The following REEP1 variants were observed in gnomAD, a reference collection of about 807,000 sequenced individuals.
REEP1 encodes receptor expression-enhancing protein 1.
Under a neutral mutation model 40.3 loss-of-function variants are expected in REEP1, and 22 were observed. That is an observed-to-expected ratio of 0.55 (90% CI 0.39 to 0.78). The LOEUF (loss-of-function observed/expected upper bound fraction) is 0.78. REEP1 is among the 30% of genes least tolerant of loss of function. REEP1 has a pLI of 0.00. For missense variants in REEP1, 280 were observed against 361.1 expected, an observed-to-expected ratio of 0.78 and a Z score of 1.82; for synonymous variants, 116 against 139.2, an observed-to-expected ratio of 0.83 and a Z score of 1.17.
intron 2 of REEP1, among the ~76,000 whole-genome samples, chr2:86,271,769 A>G (rs1182467763): frequency 1.3e-5 from 2 of 152,234 alleles, no homozygotes; most frequent in Non-Finnish European, 2.9e-5. Flanking sequence ...GGTAAAGTCT[A>G]TAGCCTGCTG....
intron 2 of REEP1, among the ~76,000 whole-genome samples, chr2:86,273,320 T>C (rs1677567725): frequency 6.6e-6 from 1 of 150,544 alleles, no homozygotes. Context: ...GGGTCTCGCT[T>C]GTCATCCAAG....
At chr2:86,221,946 C>A (rs918859) in intron 7 of REEP1, among the ~76,000 whole-genome samples, 106,350 of 152,032 alleles carry the variant, frequency 0.7, 42,433 homozygotes, top group Non-Finnish European at 0.88. Flanking sequence ...CCCCAGCAGC[C>A]AACTCCATGA....
chr2:86,306,006 T>A (rs575507318), intron 1 of REEP1, among the ~76,000 whole-genome samples: 27 of 152,242 alleles, frequency 1.8e-4, no homozygotes, highest in Non-Finnish European at 2.8e-4. Context: ...TGTGGACATA[T>A]GTTTTCATTT....
chr2:86,248,797 A>T (rs550221726), intron 5 of REEP1, among the ~76,000 whole-genome samples: 1 of 152,222 alleles, frequency 6.6e-6, no homozygotes, highest in Non-Finnish European at 1.5e-5. Context: ...TATTATAAGC[A>T]TGCTTTACAT....
chr2:86,229,484 C>A (rs1674892719), intron 6 of REEP1, among the ~76,000 whole-genome samples: 9 of 152,116 alleles, frequency 5.9e-5, no homozygotes, highest in Admixed American at 5.9e-4. Context: ...GCTTCCTCTG[C>A]CAGACTTCCT....
intron 2 of REEP1, among the ~76,000 whole-genome samples, chr2:86,271,451 T>C (rs34339158): frequency 0.036 from 5,490 of 152,092 alleles, 208 homozygotes; most frequent in East Asian, 0.21. Context: ...TGACTTTTCA[T>C]TGGAAAAAAT....
At chr2:86,332,661 C>G (rs1481596413) in intron 1 of REEP1, among the ~76,000 whole-genome samples, 1 of 152,188 alleles carries the variant, frequency 6.6e-6, no homozygotes, top group Non-Finnish European at 1.5e-5. Context: ...AGGTGAGACC[C>G]TCACTTGTCA....
At chr2:86,236,416 A>G (rs1274635889) in intron 5 of REEP1, among the ~76,000 whole-genome samples, 1 of 152,154 alleles carries the variant, frequency 6.6e-6, no homozygotes, top group Non-Finnish European at 1.5e-5. Context: ...GTATTCTGCA[A>G]AATTGGTTTC....
At chr2:86,227,299 C>A (rs1300113546) in intron 7 of REEP1, 64 bp downstream of exon 7, 1 of 1,223,196 alleles carries the variant, frequency 8.2e-7, no homozygotes, top group Non-Finnish European at 1.0e-6. Context: ...GTGCCCACTC[C>A]TGGTTAGAAG....
intron 1 of REEP1, among the ~76,000 whole-genome samples, chr2:86,312,493 A>G (rs1679809777): frequency 6.6e-6 from 1 of 152,166 alleles, no homozygotes; most frequent in African/African-American, 2.4e-5. Flanking sequence ...ACAACACAAG[A>G]GCTGTAAAAT....
intron 5 of REEP1, among the ~76,000 whole-genome samples, chr2:86,237,568 G>C (rs1675430902): frequency 6.6e-6 from 1 of 152,156 alleles, no homozygotes; most frequent in African/African-American, 2.4e-5. Flanking sequence ...TGTCAGCCAG[G>C]CTGGAGTGCA....
chr2:86,260,125 A>G (rs1041533009), intron 3 of REEP1, among the ~76,000 whole-genome samples: 1 of 152,130 alleles, frequency 6.6e-6, no homozygotes, highest in African/African-American at 2.4e-5. Context: ...AAGGAAGGAG[A>G]GAGAGGACCC....
At chr2:86,275,196 G>A (rs966307717) in intron 2 of REEP1, among the ~76,000 whole-genome samples, 3 of 152,166 alleles carry the variant, frequency 2.0e-5, no homozygotes, top group South Asian at 2.1e-4. Context: ...TCTGCTCACC[G>A]TGGATGGCTA....
intron 1 of REEP1, among the ~76,000 whole-genome samples, chr2:86,306,404 A>C (rs770249931): frequency 1.3e-5 from 2 of 152,200 alleles, no homozygotes; most frequent in Non-Finnish European, 2.9e-5. Flanking sequence ...AGTCAAGATA[A>C]TCTAGCTCTC....
intron 6 of REEP1, among the ~76,000 whole-genome samples, chr2:86,228,615 C>T (rs969301825): frequency 9.9e-5 from 15 of 152,252 alleles, no homozygotes; most frequent in African/African-American, 2.9e-4. Flanking sequence ...CCCGCCTTCA[C>T]GCCCAGCTAA....
chr2:86,271,223 C>T (rs1168545591), intron 2 of REEP1, among the ~76,000 whole-genome samples: 1 of 150,570 alleles, frequency 6.6e-6, no homozygotes, highest in Non-Finnish European at 1.5e-5. Context: ...AACAAACCAA[C>T]AAACCCAAAG....
intron 1 of REEP1, among the ~76,000 whole-genome samples, chr2:86,325,118 C>T (rs1680446298): frequency 6.6e-6 from 1 of 152,264 alleles, no homozygotes; most frequent in East Asian, 1.9e-4. Flanking sequence ...TGCAGTGGCT[C>T]ACACCTATAA....
At chr2:86,218,307 C>G (rs1674237220) in intron 8 of REEP1, among the ~76,000 whole-genome samples, 1 of 152,226 alleles carries the variant, frequency 6.6e-6, no homozygotes, top group African/African-American at 2.4e-5. Flanking sequence ...TGCTCACTCT[C>G]TCCCCACCAG....
chr2:86,297,875 A>G (rs1325043109), intron 1 of REEP1: 1 of 220,360 alleles, frequency 4.5e-6, no homozygotes, highest in East Asian at 1.8e-4. Flanking sequence ...ACAAGTTCAC[A>G]CTGTTCCCTT....
Sources: allele counts gnomAD v4.1 joint callset (sites outside exome capture counted in the v4.1 genomes callset), GRCh38; gene constraint gnomAD v4.1.1; transcripts MANE v1.5; gene names NCBI Gene and HGNC (gene_info 2026-07-23, HGNC 2026-07-21).